MYCBP2: variants seen among roughly 807,000 people sequenced by gnomAD.
MYCBP2 encodes the protein MYC binding protein 2.
Under a neutral mutation model 525.3 loss-of-function variants are expected in MYCBP2, and 120 were observed. The observed-to-expected ratio is 0.23, with a 90% CI of 0.20 to 0.27. The LOEUF is 0.27. Among genes scored for constraint, MYCBP2 ranks in the 10% least tolerant of loss-of-function variants. MYCBP2 has a pLI of 1.00. For synonymous variants in MYCBP2, 1,894 were observed against 1,955.8 expected, an observed-to-expected ratio of 0.97 and a Z score of 0.83; for missense variants, 4,149 against 5,657.1, an observed-to-expected ratio of 0.73 and a Z score of 8.55.
chr13:77,298,891 T>C (rs746286111), intron 1 of MYCBP2, among the ~76,000 whole-genome samples: 18 of 152,326 alleles, frequency 1.2e-4, no homozygotes, highest in African/African-American at 3.6e-4. Context: ...GAGGGCATGA[T>C]GAATGTCTAT....
At chr13:77,301,102 A>T (rs1213648707) in intron 1 of MYCBP2, among the ~76,000 whole-genome samples, 1 of 152,160 alleles carries the variant, frequency 6.6e-6, no homozygotes, top group Non-Finnish European at 1.5e-5. Flanking sequence ...TGTAACTGGA[A>T]CACTGAAGGA....
chr13:77,161,160 C>A (rs1450957532), intron 44 of MYCBP2, among the ~76,000 whole-genome samples: 1 of 152,176 alleles, frequency 6.6e-6, no homozygotes, highest in Non-Finnish European at 1.5e-5. Flanking sequence ...TACAATTTGA[C>A]AAATGCTGTC....
At chr13:77,120,149 C>A (rs1170917510) in intron 55 of MYCBP2, among the ~76,000 whole-genome samples, 1 of 151,830 alleles carries the variant, frequency 6.6e-6, no homozygotes, top group African/African-American at 2.4e-5. Context: ...GATATAGTAG[C>A]GGTAAGCAAA....
intron 34 of MYCBP2, 108 bp from the exon 35 acceptor site, chr13:77,178,062 T>A: frequency 1.5e-6 from 1 of 685,600 alleles, no homozygotes; most frequent in Non-Finnish European, 2.6e-6. Context: ...TAAGTGGATA[T>A]AAACATTCCT....
rs1416484767 is a variant in MYCBP2, at chr13:77,081,544, G to A, written c.11301C>T (p.Thr3767=). The A allele has an allele frequency of 1.9e-6, 3 of 1,613,678 alleles. No individual in the cohort carries two copies. The highest frequency in any genetic ancestry group is 2.5e-6 in the Non-Finnish European group (3 of 1,179,896). ...TATCTTCATCTCCTGATTCCCAAAA[G>A]GTTTCTGTGGAGCCGTCTGTCAAAC... ...IGSLTDGSTE[T]FWESGDEDKN... The change falls in exon 65 of 83, where the codon ACC becomes ACT. Residue 3767 remains threonine, a synonymous_variant. Transcript: ENST00000544440. The surrounding 1 kb of genome is among the most constrained non-coding windows in gnomAD (Gnocchi z 4.6).
chr13:77,153,112 G>A (rs563279120), intron 46 of MYCBP2, among the ~76,000 whole-genome samples: 55 of 149,920 alleles, frequency 3.7e-4, no homozygotes, highest in African/African-American at 1.2e-3. Context: ...CGCATTCATC[G>A]CGTTTCAAAC....
chr13:77,160,624 G>A (rs932546169), intron 44 of MYCBP2, among the ~76,000 whole-genome samples: 3 of 152,090 alleles, frequency 2.0e-5, no homozygotes, highest in South Asian at 2.1e-4. Flanking sequence ...TACTGATTTC[G>A]AAGTGTAATT....
chr13:77,296,091 T>A (rs1242413127), intron 2 of MYCBP2, among the ~76,000 whole-genome samples: 2 of 152,136 alleles, frequency 1.3e-5, no homozygotes, highest in Non-Finnish European at 2.9e-5. Context: ...ATTTTCAACA[T>A]CCAGATATTA....
chr13:77,252,383 T>C (rs138046283), intron 14 of MYCBP2, among the ~76,000 whole-genome samples: 2 of 152,310 alleles, frequency 1.3e-5, no homozygotes, highest in East Asian at 3.9e-4. Flanking sequence ...ACGGTAATAC[T>C]GAGCTGTTAT....
At chr13:77,198,793 T>C (rs575919953) in intron 26 of MYCBP2, among the ~76,000 whole-genome samples, 30 of 152,298 alleles carry the variant, frequency 2.0e-4, no homozygotes, top group Non-Finnish European at 3.8e-4. Context: ...TCTGTTTACA[T>C]ACTACATCAA....
In MYCBP2 at chr13:77,265,871, C is replaced by A. The variant is rs149167244; in HGVS notation, c.1358-1869G>T. Among the ~76,000 whole-genome samples the A allele has an allele frequency of 2.1e-3, 317 of 152,196 alleles. 1 individual carries two copies. Among genetic ancestry groups the A allele is most frequent in the Non-Finnish European group, 3.7e-3 (250 of 68,012 alleles). On this transcript the variant is annotated intron_variant, in intron 8 of 82. Coordinates refer to ENST00000544440, the MANE Select transcript of MYCBP2 (RefSeq NM_015057.5). ...ATCATGTAATATTTTAAGCTTGTATCTTCAGGAATATATCAAGCAACATCT... is the reference window on the plus strand; with the variant it reads ...ATCATGTAATATTTTAAGCTTGTATATTCAGGAATATATCAAGCAACATCT...
At position 77,120,383 on chromosome 13, in the gene MYCBP2, G is replaced by A. The variant is rs370182215; in HGVS notation, c.8140+990C>T. 5.3e-5 allele frequency among the ~76,000 whole-genome samples: 8 copies of A among 152,148 alleles called. No homozygotes were observed. The East Asian group carries it at 1.3e-3, about 26-fold the overall frequency. On this transcript the variant is annotated intron_variant, in intron 55 of 82. Coordinates refer to ENST00000544440, the MANE Select transcript of MYCBP2 (RefSeq NM_015057.5). ...CCTTCATAAAAATACTTTGTGGAAA[G>A]TAATGAAGCTATTCAATAGAAGTAG...
At chr13:77,142,149 T>C (rs12322978) in intron 49 of MYCBP2, among the ~76,000 whole-genome samples, 4,067 of 152,328 alleles carry the variant, frequency 0.027, 197 homozygotes, top group African/African-American at 0.091. Context: ...ATTTTCACAA[T>C]GTCATTCTTG....
At chr13:77,258,224 G>A (rs1055139948) in intron 13 of MYCBP2, among the ~76,000 whole-genome samples, 3 of 152,258 alleles carry the variant, frequency 2.0e-5, no homozygotes, top group Admixed American at 2.0e-4. Flanking sequence ...ACTTGCCATA[G>A]TATATTGACA....
At chr13:77,141,281 T>C (rs960785524) in intron 49 of MYCBP2, among the ~76,000 whole-genome samples, 5 of 152,146 alleles carry the variant, frequency 3.3e-5, no homozygotes, top group Non-Finnish European at 7.4e-5. Context: ...AGAATACCAC[T>C]CATCATCTCT....
At chr13:77,194,524 T>TTAGGTACA (rs1294530392) in intron 26 of MYCBP2, among the ~76,000 whole-genome samples, 2 of 152,156 alleles carry the variant, frequency 1.3e-5, no homozygotes, top group Non-Finnish European at 2.9e-5. Flanking sequence ...GTTTTGTACC[T>TTAGGTACA]AATATGTGCA....
intron 69 of MYCBP2, among the ~76,000 whole-genome samples, chr13:77,069,567 G>C (rs557849268): frequency 6.6e-6 from 1 of 150,878 alleles, no homozygotes; most frequent in Non-Finnish European, 1.5e-5. Flanking sequence ...GTGAAACCCC[G>C]TCTCTACTAA....
At chr13:77,184,332 T>C (rs1163461866) in intron 32 of MYCBP2, among the ~76,000 whole-genome samples, 1 of 152,244 alleles carries the variant, frequency 6.6e-6, no homozygotes, top group East Asian at 1.9e-4. Flanking sequence ...GTAATTCTAC[T>C]GTGGTCTGAA....
chr13:77,268,925 G>A (rs1269825599), intron 7 of MYCBP2, among the ~76,000 whole-genome samples: 1 of 152,146 alleles, frequency 6.6e-6, no homozygotes, highest in Non-Finnish European at 1.5e-5. Context: ...AATCTCACAA[G>A]CTCAGCAAGG....
Sources: gnomAD v4.1 joint callset for allele counts (sites outside exome capture counted in the v4.1 genomes callset) on GRCh38, gnomAD v4.1.1 for gene constraint, Gnocchi (gnomAD v3.1) non-coding constraint, MANE v1.5 for transcripts, NCBI Gene and HGNC (gene_info 2026-07-23, HGNC 2026-07-21) for gene names.